The following DPEP2NB variants were observed in gnomAD, a reference collection of about 807,000 sequenced individuals.
DPEP2NB encodes the protein DPEP2 neighbor protein.
For missense variants in DPEP2NB, 117 were observed against 151.8 expected (o/e 0.77, Z 1.21); for synonymous variants, 35 against 55.3 (o/e 0.63, Z 1.63).
intron 1 of DPEP2NB, among the ~76,000 whole-genome samples, chr16:68,015,387 C>CAAA (rs1169099685): frequency 4.2e-4 from 10 of 23,602 alleles, no homozygotes; most frequent in African/African-American, 6.7e-4. Context: ...GAACCTGTCT[C>CAAA]AAAAAAAAAA....
In DPEP2NB at chr16:68,014,268, G is replaced by C. The variant is rs2033152080; in HGVS notation, c.212C>G (p.Thr71Ser). The change falls in exon 2 of 2, where the codon ACC becomes AGC. Residue 71 changes from threonine (T) to serine (S), a missense_variant. Thr to Ser is a moderately conservative substitution (Grantham distance 58). Transcript: ENST00000574912. ...CTTCTCTGCTTCAGCCTTTGTTGGGGTGGCCAAAGGAGCATCCCCATGGAC... is the reference window on the plus strand; with the variant it reads ...CTTCTCTGCTTCAGCCTTTGTTGGGCTGGCCAAAGGAGCATCCCCATGGAC... ...YRVHGDAPLA[T>S]PTKAEAEKPA... The C allele has an allele frequency of 1.6e-6, 2 of 1,231,564 alleles. No homozygotes were observed. Among genetic ancestry groups the C allele is most frequent in the Non-Finnish European group, 2.0e-6 (2 of 988,010 alleles). 76.3% of individuals were successfully genotyped at this position (1,231,564 alleles called of 1,614,324 possible). A position where few individuals can be genotyped will look rare whatever the true frequency, so the allele number is the denominator to read the frequency against.
rs2033148113 is a variant in DPEP2NB, at chr16:68,013,797, C to A, written c.*311G>T. ...TGCACTCCCTCTCTGCACTTGACTC[C>A]TCGGCTAGCAGAGTGCAGACTATTT... On this transcript the variant is annotated 3_prime_UTR_variant, in exon 2 of 2. Transcript: ENST00000574912. 4.2e-6 allele frequency: 1 copy of A among 236,200 alleles called. No homozygotes were observed. The highest frequency in any genetic ancestry group is 1.8e-4 in the South Asian group (1 of 5,574). 14.6% of individuals were successfully genotyped at this position (236,200 alleles called of 1,614,324 possible). A position where few individuals can be genotyped will look rare whatever the true frequency, so the allele number is the denominator to read the frequency against.
Position 68,015,486 on chromosome 16 carries a change from C to T in DPEP2NB, c.67+218G>A, listed in dbSNP as rs153818. Among the ~76,000 whole-genome samples, 1,194 of 142,328 alleles carry T rather than the reference C, an allele frequency of 8.4e-3. 7 individuals carry two copies. Among genetic ancestry groups the T allele is most frequent in the Non-Finnish European group, 0.013 (843 of 66,260 alleles). 93.4% of individuals were successfully genotyped at this position (142,328 alleles called of 152,430 possible). A position where few individuals can be genotyped will look rare whatever the true frequency, so the allele number is the denominator to read the frequency against. On this transcript the variant is annotated intron_variant, in intron 1 of 1. Coordinates refer to ENST00000574912, the MANE Select transcript of DPEP2NB (RefSeq NM_001282442.2). ...AAAAAAAAAAAAAAAAAGATGAGAA[C>T]CTTTCTGAGCACCTGCTCAGATGAC...
At chr16:68,014,801 G>C (rs2033156616) in intron 1 of DPEP2NB, among the ~76,000 whole-genome samples, 1 of 152,058 alleles carries the variant, frequency 6.6e-6, no homozygotes, top group Non-Finnish European at 1.5e-5. Flanking sequence ...TTGAGCCCAG[G>C]AGTACCAGCC....
At position 68,015,775 on chromosome 16, in the gene DPEP2NB, T is replaced by C. The variant is rs2033166112; in HGVS notation, c.-5A>G. 2 of 1,230,210 alleles carry C rather than the reference T, an allele frequency of 1.6e-6. No homozygotes were observed. Among genetic ancestry groups the C allele is most frequent in the Admixed American group, 4.2e-5 (1 of 23,692 alleles). 76.2% of individuals were successfully genotyped at this position (1,230,210 alleles called of 1,614,324 possible). On this transcript the variant is annotated 5_prime_UTR_variant, in exon 1 of 2. Coordinates refer to ENST00000574912, the MANE Select transcript of DPEP2NB (RefSeq NM_001282442.2). The stretch of plus-strand genomic sequence containing the variant: ...ATAGAGGATCCGGTCAGTCATTCTC[T>C]CTCAGCCAACCAAACAGATTGGTAT...
intron 1 of DPEP2NB, 113 bp downstream of exon 1, chr16:68,015,591 C>T (rs1225604644): frequency 1.9e-6 from 1 of 537,966 alleles, no homozygotes; most frequent in South Asian, 9.6e-5. Flanking sequence ...CTCGATATTA[C>T]TTATGGCTGG....
chr16:68,015,562 G>A (rs1363973566), intron 1 of DPEP2NB, 142 bp downstream of exon 1: 5 of 415,626 alleles, frequency 1.2e-5, no homozygotes, highest in Non-Finnish European at 4.1e-6. Context: ...AACACTGTGG[G>A]TCCCTGAGTG....
chr16:68,014,749 T>G (rs1047948801), intron 1 of DPEP2NB, among the ~76,000 whole-genome samples: 9 of 152,140 alleles, frequency 5.9e-5, no homozygotes, highest in Admixed American at 5.2e-4. Context: ...TGGTTCACGC[T>G]TATAATCTCA....
At chr16:68,015,387 CAA>C (rs1169099685) in intron 1 of DPEP2NB, among the ~76,000 whole-genome samples, 102 of 23,594 alleles carry the variant, frequency 4.3e-3, no homozygotes, top group South Asian at 0.011. Context: ...GAACCTGTCT[CAA>C]AAAAAAAAAA....
chr16:68,015,707 C>T lies in DPEP2NB; in HGVS notation c.64G>A (p.Ala22Thr). 6.5e-6 allele frequency: 8 copies of T among 1,231,184 alleles called. No homozygotes were observed. Among genetic ancestry groups the T allele is most frequent in the Non-Finnish European group, 8.1e-6 (8 of 987,492 alleles). 76.3% of individuals were successfully genotyped at this position (1,231,184 alleles called of 1,614,324 possible). The change falls in exon 1 of 2, where the codon GCA (alanine) becomes ACA (threonine). Residue 22 changes from alanine (A) to threonine (T), a missense_variant. Transcript: ENST00000574912. ...TAGATGCCCCCTGTATGCCTACCTG[C>T]TGCGCTGCCCTCCCAGGGGACAGAG... ...MSSVPWEGSA[A>T]AAVPATSPPT...
chr16:68,015,688 C>T lies in DPEP2NB; in HGVS notation c.67+16G>A, dbSNP rs886154265. On this transcript the variant is annotated intron_variant, in intron 1 of 1. Transcript: ENST00000574912. ...TACAGCAACGCCTCCTGTATAGATGCCCCCTGTATGCCTACCTGCTGCGCT... is the reference window on the plus strand; with the variant it reads ...TACAGCAACGCCTCCTGTATAGATGTCCCCTGTATGCCTACCTGCTGCGCT... 8.2e-7 allele frequency: 1 copy of T among 1,224,516 alleles called. No individual in the cohort carries two copies. Among genetic ancestry groups the T allele is most frequent in the Non-Finnish European group, 1.0e-6 (1 of 981,466 alleles). 75.9% of individuals were successfully genotyped at this position (1,224,516 alleles called of 1,614,324 possible). A position where few individuals can be genotyped will look rare whatever the true frequency, so the allele number is the denominator to read the frequency against.
Position 68,013,822 on chromosome 16 carries a change from T to C in DPEP2NB, c.*286A>G, listed in dbSNP as rs1414266658. 3.3e-6 allele frequency: 1 copy of C among 300,256 alleles called. No individual in the cohort carries two copies. The highest frequency in any genetic ancestry group is 6.1e-6 in the Non-Finnish European group (1 of 164,310). 18.6% of individuals were successfully genotyped at this position (300,256 alleles called of 1,614,324 possible). A position where few individuals can be genotyped will look rare whatever the true frequency, so the allele number is the denominator to read the frequency against. On this transcript the variant is annotated 3_prime_UTR_variant, in exon 2 of 2. Coordinates refer to ENST00000574912, the MANE Select transcript of DPEP2NB (RefSeq NM_001282442.2). ...CTCGGCTAGCAGAGTGCAGACTATT[T>C]CTATCTTCTGCCCAAAAAGGGACTC...
Position 68,014,351 on chromosome 16 carries a change from A to G in DPEP2NB, c.129T>C (p.Cys43=). 1 of 1,231,800 alleles carries G rather than the reference A, an allele frequency of 8.1e-7. No individual in the cohort carries two copies. The highest frequency in any genetic ancestry group is 4.1e-5 in the South Asian group (1 of 24,314). The allele number at this position is 1,231,800 out of a possible 1,614,324, so 76.3% of individuals were successfully genotyped here. ...CATGCCAGCCTACCTGAGTTTCTCC[A>G]CACCCTCGGTAGAGAACATGGTAGT... The part of the protein sequence containing the change: ...PGHYHVLYRG[C]GETQVGWHGE... Residue 43 remains cysteine, a synonymous_variant, in exon 2 of 2, where the codon TGT becomes TGC. Coordinates refer to ENST00000574912, the MANE Select transcript of DPEP2NB (RefSeq NM_001282442.2).
At chr16:68,014,570 G>T (rs1053913957) in intron 1 of DPEP2NB, among the ~76,000 whole-genome samples, 158 bp from the exon 2 acceptor site, 1 of 152,176 alleles carries the variant, frequency 6.6e-6, no homozygotes, top group African/African-American at 2.4e-5. Flanking sequence ...ACAGGATGCT[G>T]GCTGTGAAAG....
At chr16:68,015,537 C>A (rs1052907295) in intron 1 of DPEP2NB, among the ~76,000 whole-genome samples, 167 bp downstream of exon 1, 1 of 146,770 alleles carries the variant, frequency 6.8e-6, no homozygotes, top group Non-Finnish European at 1.5e-5. Flanking sequence ...AGCAGGTGAA[C>A]TTGCCCTGAG....
At chr16:68,015,213 G>A (rs1388614147) in intron 1 of DPEP2NB, among the ~76,000 whole-genome samples, 2 of 151,282 alleles carry the variant, frequency 1.3e-5, no homozygotes, top group East Asian at 1.9e-4. Flanking sequence ...GCAACATGGC[G>A]AAACCCTGTC....
At position 68,013,976 on chromosome 16, in the gene DPEP2NB, G is replaced by A; in HGVS notation, c.*132C>T. 2 of 668,296 alleles carry A rather than the reference G, an allele frequency of 3.0e-6. No homozygotes were observed. Among genetic ancestry groups the A allele is most frequent in the Middle Eastern group, 4.7e-4 (1 of 2,126 alleles). 41.4% of individuals were successfully genotyped at this position (668,296 alleles called of 1,614,324 possible). Reference sequence around the variant, plus strand: ...TGGCCATGGGTAGTTAGCATGGAAGGGGGCTTCTGGATGAGGAAGGCATAG... The same window carrying A: ...TGGCCATGGGTAGTTAGCATGGAAGAGGGCTTCTGGATGAGGAAGGCATAG... On this transcript the variant is annotated 3_prime_UTR_variant, in exon 2 of 2. Coordinates refer to ENST00000574912, the MANE Select transcript of DPEP2NB (RefSeq NM_001282442.2).
chr16:68,014,911 A>C (rs1158741214), intron 1 of DPEP2NB, among the ~76,000 whole-genome samples: 2 of 151,922 alleles, frequency 1.3e-5, no homozygotes, highest in Non-Finnish European at 2.9e-5. Context: ...AGGCTGAGGC[A>C]GGAGAATCGC....
At position 68,015,836 on chromosome 16, in the gene DPEP2NB, G is replaced by C. The variant is rs933740785; in HGVS notation, c.-66C>G. ...AATGGTAGGGAGGCTTCTCTAGGAC[G>C]CAGGTGTGTAGTCACGCTGCCATGG... On this transcript the variant is annotated 5_prime_UTR_variant, in exon 1 of 2. Coordinates refer to ENST00000574912, the MANE Select transcript of DPEP2NB (RefSeq NM_001282442.2). 8 of 888,390 alleles carry C rather than the reference G, an allele frequency of 9.0e-6. No homozygotes were observed. The highest frequency in any genetic ancestry group is 1.2e-5 in the Non-Finnish European group (8 of 674,470). 55.0% of individuals were successfully genotyped at this position (888,390 alleles called of 1,614,324 possible).
Sources: gnomAD v4.1 joint callset for allele counts (sites outside exome capture counted in the v4.1 genomes callset) on GRCh38, gnomAD v4.1.1 for gene constraint, MANE v1.5 for transcripts, NCBI Gene and HGNC (gene_info 2026-07-23, HGNC 2026-07-21) for gene names.